Variants in MTX2 observed in about 807,000 individuals in gnomAD.
MTX2 encodes the protein metaxin-2.
In MTX2, 35 loss-of-function variants were observed where a neutral mutation model predicts 42.3. The observed-to-expected ratio is 0.83, with a 90% CI of 0.63 to 1.10. The LOEUF (loss-of-function observed/expected upper bound fraction) is 1.10. Among genes scored for constraint, MTX2 ranks in the 50% least tolerant of loss-of-function variants. MTX2 has a pLI of 0.00. For synonymous variants in MTX2, 119 were observed against 100.9 expected (o/e 1.18, Z -1.08); for missense variants, 307 against 304.1 (o/e 1.01, Z -0.07).
intron 3 of MTX2, among the ~76,000 whole-genome samples, chr2:176,316,489 C>T (rs1684442703): frequency 6.6e-6 from 1 of 152,126 alleles, no homozygotes; most frequent in South Asian, 2.1e-4. Flanking sequence ...ACAGCCTCAA[C>T]CTCCTGGGCT....
At position 176,337,593 on chromosome 2, in the gene MTX2, A is replaced by G. The variant is rs200302063; in HGVS notation, c.721A>G (p.Asn241Asp). The G allele has an allele frequency of 2.2e-5, 35 of 1,613,564 alleles. No individual in the cohort carries two copies. The African/African-American group carries it at 4.7e-4, about 22-fold the overall frequency. Residue 241 changes from asparagine to aspartate, a missense_variant, in exon 10 of 10, where the codon AAC becomes GAC. By Grantham distance (23) the Asn-to-Asp change is conservative (BLOSUM62 1). Coordinates refer to ENST00000249442, the MANE Select transcript of MTX2 (RefSeq NM_006554.5). ...TTCTGAGAAGGTGAAAAACTATAGC[A>G]ACCTCCTTGCTTTCTGTAGGAGAAT... ...ELSEKVKNYS[N>D]LLAFCRRIEQ...
At chr2:176,317,747 C>T (rs1400330737) in intron 3 of MTX2, among the ~76,000 whole-genome samples, 1 of 152,248 alleles carries the variant, frequency 6.6e-6, no homozygotes, top group East Asian at 1.9e-4. Flanking sequence ...TTACCCTTAA[C>T]TTTGCCTCTT....
intron 1 of MTX2, among the ~76,000 whole-genome samples, chr2:176,290,728 G>A (rs1575038680): frequency 6.7e-6 from 1 of 149,422 alleles, no homozygotes; most frequent in East Asian, 1.9e-4. Context: ...TCAACTTTGG[G>A]CACTCCTAGG....
chr2:176,302,544 C>G (rs1684049351), intron 3 of MTX2, among the ~76,000 whole-genome samples: 1 of 152,096 alleles, frequency 6.6e-6, no homozygotes, highest in Admixed American at 6.5e-5. Flanking sequence ...TCAAGTGATT[C>G]TCCCACCTCA....
chr2:176,269,796 C>A, intron 1 of MTX2, 127 bp downstream of exon 1: 1 of 1,149,254 alleles, frequency 8.7e-7, no homozygotes, highest in Non-Finnish European at 1.2e-6. Context: ...ATGGTGGAGG[C>A]GGGCACGGAC....
rs549560710 is a variant in MTX2 at position 176,270,462 on chromosome 2, AAG to A, written c.40+795_40+796del. ...TTGAGGTTTTTATTTATTGTAATGAAAGAAATTAAATATTGTTGAGAAAGTGA... is the reference window on the plus strand; with the variant it reads ...TTGAGGTTTTTATTTATTGTAATGAAAAATTAAATATTGTTGAGAAAGTGA... On this transcript the variant is annotated intron_variant, in intron 1 of 9. Coordinates refer to ENST00000249442, the MANE Select transcript of MTX2 (RefSeq NM_006554.5). 49 of 1,279,574 alleles carry A rather than the reference AAG, an allele frequency of 3.8e-5. No individual in the cohort carries two copies. The South Asian group carries it at 5.1e-4, about 13-fold the overall frequency. 79.3% of individuals were successfully genotyped at this position (1,279,574 alleles called of 1,614,324 possible).
intron 1 of MTX2, chr2:176,270,386 G>T: frequency 7.3e-7 from 1 of 1,363,894 alleles, no homozygotes. Flanking sequence ...AAATACTTTT[G>T]AGTCGGTGGA....
Position 176,329,370 on chromosome 2 carries a change from T to A in MTX2, c.487T>A (p.Trp163Arg). 6.2e-7 allele frequency: 1 copy of A among 1,607,904 alleles called. No individual in the cohort carries two copies. Among genetic ancestry groups the A allele is most frequent in the Non-Finnish European group, 8.5e-7 (1 of 1,175,810 alleles). ...TCATATTTTGGCCTATCAAAAACAG[T>A]GGGAAGTCAAACGTAAGATGAAAGC... ...LNHILAYQKQ[W>R]EVKRKMKAIG... The change falls in exon 8 of 10, where the codon TGG (tryptophan) becomes AGG (arginine). Residue 163 changes from tryptophan (W) to arginine (R), a missense_variant. Physicochemically the swap from Trp to Arg is moderately radical, Grantham distance 101 (BLOSUM62 -3). Coordinates refer to ENST00000249442, the MANE Select transcript of MTX2 (RefSeq NM_006554.5).
chr2:176,304,842 G>C (rs1252979606), intron 3 of MTX2, among the ~76,000 whole-genome samples: 1 of 152,000 alleles, frequency 6.6e-6, no homozygotes, highest in South Asian at 2.1e-4. Flanking sequence ...CCTGAGGTCT[G>C]CTGTCTAAGG....
chr2:176,335,365 A>G (rs764191959), intron 9 of MTX2, among the ~76,000 whole-genome samples: 5 of 152,110 alleles, frequency 3.3e-5, no homozygotes, highest in Non-Finnish European at 5.9e-5. Context: ...CAGATTATCA[A>G]GGCTCTGTGT....
At chr2:176,320,000 G>C (rs1033145967) in intron 3 of MTX2, among the ~76,000 whole-genome samples, 1 of 152,152 alleles carries the variant, frequency 6.6e-6, no homozygotes, top group South Asian at 2.1e-4. Flanking sequence ...TTTAAAGTTT[G>C]GATGAAAATG....
chr2:176,312,686 A>C (rs1684343058), intron 3 of MTX2, among the ~76,000 whole-genome samples: 1 of 147,270 alleles, frequency 6.8e-6, no homozygotes. Context: ...CAACATGGTG[A>C]AACCCCATCT....
chr2:176,304,979 G>T (rs1684106802), intron 3 of MTX2, among the ~76,000 whole-genome samples: 1 of 151,982 alleles, frequency 6.6e-6, no homozygotes, highest in Non-Finnish European at 1.5e-5. Context: ...GTATTAATCA[G>T]TGTAAAGCAT....
chr2:176,301,511 G>A (rs1220749998), intron 3 of MTX2, among the ~76,000 whole-genome samples: 1 of 152,120 alleles, frequency 6.6e-6, no homozygotes, highest in Non-Finnish European at 1.5e-5. Context: ...CTATGAGGTA[G>A]GTACTATTAT....
Position 176,323,417 on chromosome 2 carries a change from C to T in MTX2, c.161C>T (p.Pro54Leu). Residue 54 changes from proline to leucine, a missense_variant, in exon 4 of 10, where the codon CCT becomes CTT. Physicochemically the swap from Pro to Leu is moderately conservative, Grantham distance 98. Coordinates refer to ENST00000249442, the MANE Select transcript of MTX2 (RefSeq NM_006554.5). ...GCCTTTTTGCAAATGTGTAACTTGC[C>T]TATCAAAGTAGTTTGTAGGGCAAAT... The part of the protein sequence containing the change: ...VQAFLQMCNL[P>L]IKVVCRANAE... The T allele has an allele frequency of 1.9e-6, 3 of 1,611,200 alleles. No homozygotes were observed. The highest frequency in any genetic ancestry group is 2.5e-6 in the Non-Finnish European group (3 of 1,178,216).
chr2:176,291,404 G>A (rs1693325410), intron 1 of MTX2, among the ~76,000 whole-genome samples: 1 of 152,132 alleles, frequency 6.6e-6, no homozygotes, highest in South Asian at 2.1e-4. Context: ...CTGATTACCT[G>A]CTATGTGCTA....
intron 3 of MTX2, among the ~76,000 whole-genome samples, chr2:176,300,762 TA>T (rs1240099488): frequency 6.6e-6 from 1 of 151,990 alleles, no homozygotes; most frequent in Non-Finnish European, 1.5e-5. Flanking sequence ...AAATGTAAAA[TA>T]GAAATATAAT....
chr2:176,277,434 C>T lies in MTX2; in HGVS notation c.40+7765C>T, dbSNP rs529978057. Reference sequence around the variant, plus strand: ...TTCTCTTTTTTGAGATGGAGTTGCGCTCTTGTTGCCCAGGCTGGAGTGCAG... The same window carrying T: ...TTCTCTTTTTTGAGATGGAGTTGCGTTCTTGTTGCCCAGGCTGGAGTGCAG... On this transcript the variant is annotated intron_variant, in intron 1 of 9. Transcript: ENST00000249442. Among the ~76,000 whole-genome samples the T allele has an allele frequency of 2.4e-3, 367 of 152,302 alleles. 1 individual carries two copies. Among genetic ancestry groups the T allele is most frequent in the African/African-American group, 8.5e-3 (353 of 41,570 alleles).
intron 4 of MTX2, among the ~76,000 whole-genome samples, chr2:176,324,959 T>C (rs1684675027): frequency 1.3e-5 from 2 of 151,846 alleles, no homozygotes; most frequent in South Asian, 4.2e-4. Context: ...GGTAGATTTT[T>C]AAAGCAGAGA....
Sources: allele counts gnomAD v4.1 joint callset (sites outside exome capture counted in the v4.1 genomes callset), GRCh38; gene constraint gnomAD v4.1.1; transcripts MANE v1.5; gene names NCBI Gene and HGNC (gene_info 2026-07-23, HGNC 2026-07-21).